Variants in DNAJC6 observed in about 807,000 individuals in gnomAD.
The protein encoded by DNAJC6 is auxilin.
DNAJC6 carries 34 observed loss-of-function variants against 110.0 expected under a neutral mutation model. That is an observed-to-expected ratio of 0.31 (90% CI 0.24 to 0.41). DNAJC6 has a LOEUF of 0.41. DNAJC6 is among the 10% of genes least tolerant of loss of function. The pLI is 1.00. For synonymous variants in DNAJC6, 406 were observed against 437.2 expected, an observed-to-expected ratio of 0.93 and a Z score of 0.89; for missense variants, 1,031 against 1,207.8, an observed-to-expected ratio of 0.85 and a Z score of 2.17.
At chr1:65,379,305 G>A (rs1645795837) in intron 4 of DNAJC6, 97 bp from the exon 5 acceptor site, 34 of 1,459,330 alleles carry the variant, frequency 2.3e-5, no homozygotes, top group Non-Finnish European at 3.2e-5. Flanking sequence ...AAGAGAGGAT[G>A]TGGTATCACT....
At position 65,413,332 on chromosome 1, in the gene DNAJC6, G is replaced by T. The variant is rs1419923989; in HGVS notation, c.*307G>T. On this transcript the variant is annotated 3_prime_UTR_variant, in exon 19 of 19. Transcript: ENST00000371069. ...CTACCTGGGGAAATGGAAAACAGAG[G>T]CCACCACCCATGAAGGCATAACACC... 7.2e-6 allele frequency: 2 copies of T among 277,498 alleles called. No homozygotes were observed. Among genetic ancestry groups the T allele is most frequent in the Non-Finnish European group, 1.4e-5 (2 of 146,092 alleles). 17.2% of individuals were successfully genotyped at this position (277,498 alleles called of 1,614,324 possible).
chr1:65,308,675 G>A (rs1645066857), upstream of DNAJC6, among the ~76,000 whole-genome samples: 2 of 152,180 alleles, frequency 1.3e-5, no homozygotes, highest in South Asian at 4.1e-4. Flanking sequence ...AATAAGGCGT[G>A]AGGCTAGAGG....
intron 1 of DNAJC6, among the ~76,000 whole-genome samples, chr1:65,318,307 G>GTT (rs67274089): frequency 1.8e-4 from 27 of 151,440 alleles, no homozygotes; most frequent in African/African-American, 3.9e-4. Flanking sequence ...TAAAATATAT[G>GTT]TTTTTTTTTC....
At chr1:65,327,223 C>A (rs1645249428) in intron 1 of DNAJC6, among the ~76,000 whole-genome samples, 1 of 152,036 alleles carries the variant, frequency 6.6e-6, no homozygotes, top group Non-Finnish European at 1.5e-5. Context: ...TAACAGTGAG[C>A]AGTTGAGTAC....
Position 65,337,858 on chromosome 1 carries a change from A to G in DNAJC6, c.194-26777A>G, listed in dbSNP as rs144794298. ...GGGCCCTGGATCCAATCTCTCGAGT[A>G]TATAGAGGGACATCAGTATTCTTAC... is the stretch of plus-strand genomic sequence containing the variant. On this transcript the variant is annotated intron_variant, in intron 1 of 18. Transcript: ENST00000371069. Among the ~76,000 whole-genome samples the G allele has an allele frequency of 7.2e-4, 109 of 152,320 alleles. 4 individuals are homozygous for G. Among genetic ancestry groups the G allele is most frequent in the Non-Finnish European group, 4.3e-4 (29 of 68,036 alleles).
intron 1 of DNAJC6, among the ~76,000 whole-genome samples, chr1:65,337,681 G>T (rs1414158711): frequency 6.6e-6 from 1 of 152,064 alleles, no homozygotes; most frequent in Non-Finnish European, 1.5e-5. Context: ...ATAAAACAAT[G>T]ATTTGTCTAG....
chr1:65,368,031 A>C lies in DNAJC6; in HGVS notation c.543+1835A>C, dbSNP rs148725292. Among the ~76,000 whole-genome samples, 31 of 152,330 alleles carry C rather than the reference A, an allele frequency of 2.0e-4. No homozygotes were observed. In the East Asian group the frequency reaches 5.8e-3, roughly 28 times the overall value. ...CTCCCCAAAAATAAAAAATAAAAAT[A>C]AAAAAGCATGAATGTGGAAAGAATT... On this transcript the variant is annotated intron_variant, in intron 4 of 18. Transcript: ENST00000371069.
chr1:65,317,990 G>A (rs1017357191), intron 1 of DNAJC6, among the ~76,000 whole-genome samples: 18 of 152,160 alleles, frequency 1.2e-4, no homozygotes, highest in Admixed American at 3.9e-4. Flanking sequence ...TTAGAGAATT[G>A]CATTTAGGCT....
At chr1:65,359,313 T>C (rs141746701) in intron 1 of DNAJC6, among the ~76,000 whole-genome samples, 1 of 152,262 alleles carries the variant, frequency 6.6e-6, no homozygotes, top group African/African-American at 2.4e-5. Context: ...TCCTACAACT[T>C]GGAAGGAATA....
chr1:65,302,790 C>T (rs1362115980), intron 1 of DNAJC6, among the ~76,000 whole-genome samples: 2 of 151,916 alleles, frequency 1.3e-5, no homozygotes, highest in African/African-American at 4.8e-5. Context: ...CCGCCTCGGC[C>T]TCCCAAAGTG....
intron 1 of DNAJC6, among the ~76,000 whole-genome samples, chr1:65,353,530 A>C (rs190663784): frequency 6.6e-6 from 1 of 152,328 alleles, no homozygotes; most frequent in African/African-American, 2.4e-5. Flanking sequence ...TGTTACATCC[A>C]TTTGACTGGA....
intron 1 of DNAJC6, among the ~76,000 whole-genome samples, chr1:65,363,666 T>G (rs1466746338): frequency 6.6e-6 from 1 of 152,030 alleles, no homozygotes; most frequent in Non-Finnish European, 1.5e-5. Flanking sequence ...TTGGGGCAGG[T>G]GCTACTGGCA....
chr1:65,384,055 A>G, intron 5 of DNAJC6, 138 bp from the exon 6 acceptor site: 2 of 1,146,198 alleles, frequency 1.7e-6, no homozygotes, highest in Non-Finnish European at 2.3e-6. Flanking sequence ...TTTCAAGTGA[A>G]TAATTTTTAA....
rs796797174 is a variant in DNAJC6, at chr1:65,380,916, G to GTTTTTTTTTTTTTTTTTTTTTT, written c.666+1396_666+1397insTTTTTTTTTTTTTTTTTTTTTT. Among the ~76,000 whole-genome samples, 57 of 93,518 alleles carry GTTTTTTTTTTTTTTTTTTTTTT rather than the reference G, an allele frequency of 6.1e-4. 10 individuals are homozygous for GTTTTTTTTTTTTTTTTTTTTTT. Among genetic ancestry groups the GTTTTTTTTTTTTTTTTTTTTTT allele is most frequent in the African/African-American group, 3.5e-3 (52 of 15,040 alleles). 61.4% of individuals were successfully genotyped at this position (93,518 alleles called of 152,430 possible). On this transcript the variant is annotated intron_variant, in intron 5 of 18. Coordinates refer to ENST00000371069, the MANE Select transcript of DNAJC6 (RefSeq NM_001256864.2). ...TTTTTTTTTTTTTGTTTTTTGTTTT[G>GTTTTTTTTTTTTTTTTTTTTTT]TTTTGTTTTTTTTTTTTTTTTGGGA...
At chr1:65,275,153 A>G (rs1190378462) in intron 1 of DNAJC6, among the ~76,000 whole-genome samples, 2 of 152,070 alleles carry the variant, frequency 1.3e-5, no homozygotes, top group African/African-American at 4.8e-5. Flanking sequence ...TTACCCACAT[A>G]TTTACCCTAT....
intron 1 of DNAJC6, among the ~76,000 whole-genome samples, chr1:65,292,836 GGCA>G (rs1395612753): frequency 6.6e-6 from 1 of 152,166 alleles, no homozygotes; most frequent in Non-Finnish European, 1.5e-5. Context: ...CAATTCTGCT[GGCA>G]GTAATTTAAA....
intron 1 of DNAJC6, among the ~76,000 whole-genome samples, chr1:65,327,099 C>A (rs2101438017): frequency 6.6e-6 from 1 of 152,080 alleles, no homozygotes; most frequent in South Asian, 2.1e-4. Context: ...ATGAAGGCTT[C>A]TTGAATGGGG....
At chr1:65,310,702 C>T (rs1645091128) in intron 1 of DNAJC6, among the ~76,000 whole-genome samples, 2 of 152,204 alleles carry the variant, frequency 1.3e-5, no homozygotes, top group African/African-American at 4.8e-5. Flanking sequence ...AGAGTCCTCT[C>T]TTGGAACTGC....
At chr1:65,320,619 T>C in intron 1 of DNAJC6, among the ~76,000 whole-genome samples, 1 of 152,240 alleles carries the variant, frequency 6.6e-6, no homozygotes, top group South Asian at 2.1e-4. Flanking sequence ...AAATGTCTCC[T>C]GGCTGCCTAC....
Sources: allele counts gnomAD v4.1 joint callset (sites outside exome capture counted in the v4.1 genomes callset), GRCh38; gene constraint gnomAD v4.1.1; transcripts MANE v1.5; gene names NCBI Gene and HGNC (gene_info 2026-07-23, HGNC 2026-07-21).